Variants in SPOCK1 observed in about 807,000 individuals in gnomAD.
The protein encoded by SPOCK1 is SPARC (osteonectin), cwcv and kazal like domains proteoglycan 1, also known as testican-1.
Under a neutral mutation model 55.3 loss-of-function variants are expected in SPOCK1, and 23 were observed. The ratio of observed to expected loss-of-function variants is 0.42; its 90% confidence interval spans 0.30 to 0.59. SPOCK1 has a LOEUF of 0.59. Among genes scored for constraint, SPOCK1 ranks in the 20% least tolerant of loss-of-function variants. The pLI, the probability that SPOCK1 is intolerant of heterozygous loss-of-function variation, is 0.22. For synonymous variants in SPOCK1, 226 were observed against 221.0 expected (o/e 1.02, Z -0.20); for missense variants, 499 against 552.5 (o/e 0.90, Z 0.97).
intron 2 of SPOCK1, among the ~76,000 whole-genome samples, chr5:137,331,984 C>T (rs1295256757): frequency 1.3e-5 from 2 of 152,196 alleles, no homozygotes; most frequent in African/African-American, 2.4e-5. Flanking sequence ...GTTCTACTAA[C>T]CCAGATCACA....
intron 2 of SPOCK1, among the ~76,000 whole-genome samples, chr5:137,389,407 C>A (rs1026481910): frequency 1.1e-4 from 16 of 152,238 alleles, no homozygotes; most frequent in African/African-American, 3.6e-4. Flanking sequence ...CATCACTGCA[C>A]AAAACATCCT....
chr5:136,980,152 G>T, intron 9 of SPOCK1, among the ~76,000 whole-genome samples: 1 of 146,312 alleles, frequency 6.8e-6, no homozygotes. Flanking sequence ...ACCATAAGGT[G>T]TTGCTATTAC....
chr5:137,341,046 G>C (rs1750410527), intron 2 of SPOCK1, among the ~76,000 whole-genome samples: 1 of 152,122 alleles, frequency 6.6e-6, no homozygotes, highest in African/African-American at 2.4e-5. Context: ...GATCCCTCTG[G>C]CACTCCACAA....
intron 2 of SPOCK1, among the ~76,000 whole-genome samples, chr5:137,389,928 G>A (rs1044147873): frequency 3.9e-5 from 6 of 152,166 alleles, no homozygotes; most frequent in African/African-American, 1.4e-4. Context: ...TCAGCATGCA[G>A]GGATACCACC....
chr5:137,116,694 T>C (rs374062955), intron 4 of SPOCK1, among the ~76,000 whole-genome samples: 2 of 151,690 alleles, frequency 1.3e-5, no homozygotes, highest in Non-Finnish European at 2.9e-5. Context: ...GCATAGTCTA[T>C]ACTCCAAGCT....
intron 3 of SPOCK1, among the ~76,000 whole-genome samples, chr5:137,201,328 G>A (rs774250119): frequency 8.5e-5 from 13 of 152,176 alleles, no homozygotes; most frequent in Non-Finnish European, 1.5e-4. Context: ...CAAAACTCTG[G>A]AACGATGTTA....
intron 5 of SPOCK1, among the ~76,000 whole-genome samples, chr5:137,077,732 C>T (rs893486895): frequency 1.3e-5 from 2 of 152,188 alleles, no homozygotes; most frequent in Non-Finnish European, 2.9e-5. Context: ...CAGTCCAGAG[C>T]GGCCCAGCCA....
intron 5 of SPOCK1, among the ~76,000 whole-genome samples, chr5:137,098,858 C>T (rs1180489371): frequency 2.0e-5 from 3 of 152,200 alleles, no homozygotes; most frequent in Non-Finnish European, 4.4e-5. Context: ...TCCACAGGCT[C>T]CACGGGCCAC....
intron 2 of SPOCK1, among the ~76,000 whole-genome samples, chr5:137,410,548 C>T (rs1344227575): frequency 6.6e-6 from 1 of 152,246 alleles, no homozygotes; most frequent in Admixed American, 6.5e-5. Context: ...TTATTCCAAA[C>T]AAGTTCCGTT....
chr5:137,283,135 G>A (rs533168465), intron 2 of SPOCK1, among the ~76,000 whole-genome samples: 43 of 152,284 alleles, frequency 2.8e-4, no homozygotes, highest in Non-Finnish European at 5.0e-4. Flanking sequence ...CCTTGGGGAC[G>A]GAGCTGCCTC....
At chr5:137,224,842 T>A (rs1755916909) in intron 3 of SPOCK1, among the ~76,000 whole-genome samples, 3 of 152,096 alleles carry the variant, frequency 2.0e-5, no homozygotes, top group Admixed American at 6.6e-5. Context: ...GCCAGGCTCC[T>A]CCCACACTCC....
chr5:137,118,411 C>A (rs148264772), intron 4 of SPOCK1, among the ~76,000 whole-genome samples: 1 of 152,330 alleles, frequency 6.6e-6, no homozygotes, highest in East Asian at 1.9e-4. Flanking sequence ...ACCTTCAACT[C>A]CGCACGTCAG....
chr5:137,436,627 A>G (rs995474458), intron 2 of SPOCK1, among the ~76,000 whole-genome samples: 2 of 152,196 alleles, frequency 1.3e-5, no homozygotes, highest in Non-Finnish European at 2.9e-5. Flanking sequence ...ACAATCCAAA[A>G]AAAGAAAGAA....
intron 4 of SPOCK1, among the ~76,000 whole-genome samples, chr5:137,115,343 C>G (rs1561614722): frequency 6.6e-6 from 1 of 151,896 alleles, no homozygotes; most frequent in Non-Finnish European, 1.5e-5. Context: ...AAGTGACTTT[C>G]CCAGTGTCAC....
At chr5:137,487,357 TCTGGC>T (rs1754081758) in intron 2 of SPOCK1, among the ~76,000 whole-genome samples, 1 of 137,378 alleles carries the variant, frequency 7.3e-6, no homozygotes, top group Non-Finnish European at 1.6e-5. Flanking sequence ...AAAAAAAACC[TCTGGC>T]CAACCAAGAA....
chr5:137,350,143 G>A (rs1006751644), intron 2 of SPOCK1, among the ~76,000 whole-genome samples: 1 of 152,194 alleles, frequency 6.6e-6, no homozygotes, highest in East Asian at 1.9e-4. Context: ...GGTGTGGATG[G>A]CATTGCTGAA....
intron 6 of SPOCK1, among the ~76,000 whole-genome samples, chr5:137,042,256 C>T (rs1355724637): frequency 6.6e-6 from 1 of 152,056 alleles, no homozygotes; most frequent in Non-Finnish European, 1.5e-5. Flanking sequence ...AAAGGCAAAA[C>T]TGTAGAGCAG....
chr5:137,044,535 T>C (rs1014207022), intron 6 of SPOCK1, among the ~76,000 whole-genome samples: 50 of 152,218 alleles, frequency 3.3e-4, no homozygotes, highest in African/African-American at 1.1e-3. Flanking sequence ...GTATTTAAGA[T>C]GGAGATCATA....
At chr5:137,408,934 G>T (rs1752155842) in intron 2 of SPOCK1, among the ~76,000 whole-genome samples, 1 of 152,148 alleles carries the variant, frequency 6.6e-6, no homozygotes, top group Non-Finnish European at 1.5e-5. Flanking sequence ...GGGTGAGTGG[G>T]AAGACAGCCC....
Sources: allele counts gnomAD v4.1 joint callset (sites outside exome capture counted in the v4.1 genomes callset), GRCh38; gene constraint gnomAD v4.1.1; transcripts MANE v1.5; gene names NCBI Gene and HGNC (gene_info 2026-07-23, HGNC 2026-07-21).